Variants in FSTL5 observed in about 807,000 individuals in gnomAD.
The protein encoded by FSTL5 is follistatin like 5, also known as follistatin-related protein 5.
Under a neutral mutation model 89.1 loss-of-function variants are expected in FSTL5, and 62 were observed. The ratio of observed to expected loss-of-function variants is 0.70; its 90% confidence interval spans 0.57 to 0.86. The LOEUF (loss-of-function observed/expected upper bound fraction) is 0.86, where lower values mean the gene tolerates loss of function less well. FSTL5 is among the 40% of genes least tolerant of loss of function. FSTL5 has a pLI of 0.00. For synonymous variants in FSTL5, 383 were observed against 346.2 expected, an observed-to-expected ratio of 1.11 and a Z score of -1.18; for missense variants, 1,057 against 1,001.6, an observed-to-expected ratio of 1.06 and a Z score of -0.75.
chr4:161,436,132 A>T (rs998565151), intron 15 of FSTL5, among the ~76,000 whole-genome samples: 2 of 152,150 alleles, frequency 1.3e-5, no homozygotes, highest in African/African-American at 4.8e-5. Context: ...CCAAATATTT[A>T]AGAGATCGCT....
intron 3 of FSTL5, among the ~76,000 whole-genome samples, chr4:161,992,847 CAAAAAAA>C (rs60808579): frequency 4.4e-5 from 1 of 22,914 alleles, no homozygotes; most frequent in Non-Finnish European, 7.8e-5. Context: ...AACTCCATCT[CAAAAAAA>C]AAAAAAAATA....
intron 4 of FSTL5, among the ~76,000 whole-genome samples, chr4:161,901,393 A>G (rs1001813952): frequency 2.6e-5 from 4 of 152,192 alleles, no homozygotes; most frequent in Non-Finnish European, 5.9e-5. Flanking sequence ...GTATAGGAAG[A>G]TGAGCTGATT....
intron 2 of FSTL5, among the ~76,000 whole-genome samples, chr4:162,043,838 A>G (rs1738069810): frequency 6.6e-6 from 1 of 152,196 alleles, no homozygotes; most frequent in Non-Finnish European, 1.5e-5. Context: ...TTGCTCATTC[A>G]TAAGAAGCAA....
intron 4 of FSTL5, among the ~76,000 whole-genome samples, chr4:161,820,264 T>C (rs1479806830): frequency 1.3e-5 from 2 of 152,154 alleles, no homozygotes; most frequent in South Asian, 2.1e-4. Context: ...TTTCCACTTA[T>C]ATTCAAGTTA....
intron 15 of FSTL5, among the ~76,000 whole-genome samples, chr4:161,443,443 C>T (rs1486970430): frequency 1.3e-5 from 2 of 151,842 alleles, no homozygotes; most frequent in Admixed American, 1.3e-4. Context: ...CTTATTACTC[C>T]AAAGTATGAG....
At chr4:161,947,726 G>A (rs145394018) in intron 3 of FSTL5, among the ~76,000 whole-genome samples, 3 of 152,012 alleles carry the variant, frequency 2.0e-5, no homozygotes, top group East Asian at 1.9e-4. Flanking sequence ...GAATTTCCAC[G>A]TTTTTTAGAA....
At chr4:161,937,303 A>G (rs564140561) in intron 3 of FSTL5, among the ~76,000 whole-genome samples, 1 of 152,246 alleles carries the variant, frequency 6.6e-6, no homozygotes, top group Non-Finnish European at 1.5e-5. Flanking sequence ...CCAGAATTCC[A>G]AAGTCCAAAT....
chr4:161,856,294 T>G (rs1437473057), intron 4 of FSTL5, among the ~76,000 whole-genome samples: 1 of 152,102 alleles, frequency 6.6e-6, no homozygotes, highest in Non-Finnish European at 1.5e-5. Context: ...TGGGCAAATG[T>G]GTTTGTATAA....
At chr4:161,822,970 A>G (rs1380925657) in intron 4 of FSTL5, among the ~76,000 whole-genome samples, 2 of 152,126 alleles carry the variant, frequency 1.3e-5, no homozygotes, top group Non-Finnish European at 2.9e-5. Flanking sequence ...CAGGCAGGCT[A>G]TCCTGATGAG....
intron 6 of FSTL5, among the ~76,000 whole-genome samples, chr4:161,676,822 G>A (rs930241515): frequency 3.3e-5 from 5 of 151,472 alleles, no homozygotes; most frequent in African/African-American, 1.2e-4. Flanking sequence ...GGTCAATGTA[G>A]TTTTTAAGAT....
intron 8 of FSTL5, among the ~76,000 whole-genome samples, chr4:161,572,988 G>A (rs2126588249): frequency 6.6e-6 from 1 of 152,288 alleles, no homozygotes; most frequent in South Asian, 2.1e-4. Flanking sequence ...ATAAAAAAGA[G>A]ACCCTTAGAA....
intron 13 of FSTL5, among the ~76,000 whole-genome samples, chr4:161,460,331 T>C (rs1328843329): frequency 6.6e-6 from 1 of 151,318 alleles, no homozygotes; most frequent in Non-Finnish European, 1.5e-5. Flanking sequence ...GTTGGTGTGC[T>C]GCACCCGTTA....
intron 2 of FSTL5, among the ~76,000 whole-genome samples, chr4:162,048,280 T>A (rs907558481): frequency 6.6e-6 from 1 of 152,028 alleles, no homozygotes; most frequent in Non-Finnish European, 1.5e-5. Context: ...TGAGCGGCGA[T>A]GGTGTCACTG....
intron 6 of FSTL5, among the ~76,000 whole-genome samples, chr4:161,696,719 AG>A (rs576967738): frequency 7.9e-4 from 120 of 152,174 alleles, no homozygotes; most frequent in African/African-American, 2.8e-3. Context: ...CTATTGTAAA[AG>A]GGGGTTGAGC....
chr4:161,569,750 AACACACAAACACACACACACACACAC>A (rs1432314346), intron 8 of FSTL5, among the ~76,000 whole-genome samples: 1 of 103,274 alleles, frequency 9.7e-6, no homozygotes, highest in Non-Finnish European at 2.0e-5. Context: ...CTTTAAGTCC[AACACACAAACACACACACACACACAC>A]ACACACACAC....
intron 12 of FSTL5, among the ~76,000 whole-genome samples, chr4:161,487,500 T>C (rs143357847): frequency 1.0e-3 from 154 of 152,264 alleles, no homozygotes; most frequent in African/African-American, 3.3e-3. Flanking sequence ...TCAGTAGACC[T>C]ATCTACTTTA....
chr4:161,974,948 G>A (rs1735590536), intron 3 of FSTL5, among the ~76,000 whole-genome samples: 1 of 146,630 alleles, frequency 6.8e-6, no homozygotes, highest in African/African-American at 2.5e-5. Flanking sequence ...CAAAGGACAT[G>A]AACAGACACT....
chr4:161,954,778 A>G (rs1333177633), intron 3 of FSTL5, among the ~76,000 whole-genome samples: 3 of 151,816 alleles, frequency 2.0e-5, no homozygotes, highest in Admixed American at 6.6e-5. Context: ...ACAGAACATT[A>G]AAATGTGTTT....
chr4:161,408,694 A>C (rs78422731), intron 15 of FSTL5, among the ~76,000 whole-genome samples: 2 of 152,188 alleles, frequency 1.3e-5, no homozygotes, highest in African/African-American at 4.8e-5. Flanking sequence ...AAAATAACTC[A>C]AGAGCTAAAA....
Sources: allele counts gnomAD v4.1 joint callset (sites outside exome capture counted in the v4.1 genomes callset), GRCh38; gene constraint gnomAD v4.1.1; transcripts MANE v1.5; gene names NCBI Gene and HGNC (gene_info 2026-07-23, HGNC 2026-07-21).